The following ANKRD44 variants were observed in gnomAD, a reference collection of about 807,000 sequenced individuals.
The protein encoded by ANKRD44 is ankyrin repeat domain 44.
A neutral mutation model predicts 116.0 loss-of-function variants in ANKRD44; 35 were observed. That is an observed-to-expected ratio of 0.30 (90% confidence interval 0.23 to 0.40). The LOEUF (loss-of-function observed/expected upper bound fraction) is 0.40. ANKRD44 is among the 10% of genes least tolerant of loss of function. The probability of loss-of-function intolerance (pLI) is 1.00; values close to 1 mark genes in which losing one functional copy is unlikely to be tolerated. For missense variants in ANKRD44, 1,014 were observed against 1,242.6 expected (o/e 0.82, Z 2.77); for synonymous variants, 435 against 461.8 (o/e 0.94, Z 0.74).
chr2:197,002,538 T>C (rs186164698), intron 21 of ANKRD44, among the ~76,000 whole-genome samples: 243 of 152,330 alleles, frequency 1.6e-3, no homozygotes, highest in African/African-American at 5.7e-3. Context: ...TTCTCACATA[T>C]TCAAAACTGG....
chr2:196,995,177 A>G (rs192772514), intron 26 of ANKRD44: 67 of 359,284 alleles, frequency 1.9e-4, no homozygotes, highest in Middle Eastern at 7.1e-4. Flanking sequence ...AGACATATCA[A>G]AAGAAGGATT....
At chr2:197,059,455 A>C (rs1017258136) in intron 16 of ANKRD44, among the ~76,000 whole-genome samples, 12 of 152,198 alleles carry the variant, frequency 7.9e-5, no homozygotes, top group South Asian at 2.1e-4. Flanking sequence ...TATAACTTTA[A>C]AGAAAATTCC....
intron 1 of ANKRD44, among the ~76,000 whole-genome samples, chr2:197,253,526 TCTA>T: frequency 6.6e-6 from 1 of 152,284 alleles, no homozygotes; most frequent in Non-Finnish European, 1.5e-5. Flanking sequence ...TCTGCATTAT[TCTA>T]CTAATATGAA....
rs763222338 is a variant in ANKRD44, at chr2:197,013,716, C to A, written c.1723-4G>T. 2 of 1,612,374 alleles carry A rather than the reference C, an allele frequency of 1.2e-6. No homozygotes were observed. The highest frequency in any genetic ancestry group is 1.1e-5 in the South Asian group (1 of 90,992). ...CTTGATGGTGCCCATTGTAGGCCTG[C>A]AAAGAAGAAACCAATGGCTCCCATG... On this transcript the variant is annotated splice_polypyrimidine_tract_variant and splice_region_variant and intron_variant, in intron 17 of 27. Coordinates refer to ENST00000282272, the MANE Select transcript of ANKRD44 (RefSeq NM_001195144.2).
At chr2:197,281,573 C>G (rs1026374984) in intron 1 of ANKRD44, among the ~76,000 whole-genome samples, 1 of 152,124 alleles carries the variant, frequency 6.6e-6, no homozygotes, top group Non-Finnish European at 1.5e-5. Context: ...TTTACAAAAT[C>G]AGCAACAGGG....
intron 2 of ANKRD44, among the ~76,000 whole-genome samples, chr2:197,175,528 G>A (rs1409878641): frequency 6.6e-6 from 1 of 152,160 alleles, no homozygotes; most frequent in Non-Finnish European, 1.5e-5. Flanking sequence ...CCACTGAGCT[G>A]AAGAGCCACC....
chr2:197,039,968 C>T (rs1480592352), intron 16 of ANKRD44, among the ~76,000 whole-genome samples: 5 of 150,738 alleles, frequency 3.3e-5, no homozygotes, highest in East Asian at 2.0e-4. Context: ...GTGGCTCATG[C>T]CTATAATCCC....
At chr2:197,194,250 C>G (rs754278226) in intron 1 of ANKRD44, among the ~76,000 whole-genome samples, 8 of 152,190 alleles carry the variant, frequency 5.3e-5, no homozygotes, top group Non-Finnish European at 1.0e-4. Context: ...GAAATTGTCA[C>G]ACAGTCCCTC....
At chr2:197,018,646 T>C (rs748045547) in intron 17 of ANKRD44, among the ~76,000 whole-genome samples, 1 of 152,256 alleles carries the variant, frequency 6.6e-6, no homozygotes, top group Non-Finnish European at 1.5e-5. Context: ...GATTTGCTTA[T>C]TGTTTGTGAT....
At chr2:197,222,144 T>C (rs776139357) in intron 1 of ANKRD44, among the ~76,000 whole-genome samples, 2 of 152,172 alleles carry the variant, frequency 1.3e-5, no homozygotes, top group African/African-American at 2.4e-5. Flanking sequence ...CTAAGGCAGA[T>C]AATGTGAGAC....
At chr2:197,106,515 C>T (rs1297799936) in intron 9 of ANKRD44, among the ~76,000 whole-genome samples, 7 of 151,986 alleles carry the variant, frequency 4.6e-5, no homozygotes, top group African/African-American at 1.2e-4. Context: ...GGAGGCCAGT[C>T]GCAGTGGCTC....
Position 197,266,458 on chromosome 2 carries a change from G to A in ANKRD44, c.27+44120C>T, listed in dbSNP as rs147699673. Among the ~76,000 whole-genome samples the A allele has an allele frequency of 2.5e-3, 375 of 152,084 alleles. 1 individual carries two copies. The highest frequency in any genetic ancestry group is 8.4e-3 in the African/African-American group (348 of 41,478). ...CTGTCTGACCCAGAAAACCACAGAT[G>A]AGGAATTCATTTTAGGACTAATTAC... On this transcript the variant is annotated intron_variant, in intron 1 of 27. Transcript: ENST00000282272.
intron 2 of ANKRD44, among the ~76,000 whole-genome samples, chr2:197,170,770 GTAT>G (rs1224335090): frequency 6.6e-6 from 1 of 152,108 alleles, no homozygotes; most frequent in Non-Finnish European, 1.5e-5. Context: ...TCTCTTTCCT[GTAT>G]TAGAGTAGGC....
intron 2 of ANKRD44, among the ~76,000 whole-genome samples, chr2:197,183,492 G>C (rs1018739275): frequency 6.6e-6 from 1 of 152,004 alleles, no homozygotes; most frequent in African/African-American, 2.4e-5. Flanking sequence ...TCCTCCATCT[G>C]TCTATGCCTT....
chr2:197,106,399 C>T (rs1213544518), intron 9 of ANKRD44, among the ~76,000 whole-genome samples: 5 of 150,368 alleles, frequency 3.3e-5, no homozygotes, highest in Non-Finnish European at 3.0e-5. Flanking sequence ...GAGCCGAGAT[C>T]GCACCACTGC....
intron 1 of ANKRD44, among the ~76,000 whole-genome samples, chr2:197,228,860 A>G (rs961711511): frequency 3.9e-5 from 6 of 152,180 alleles, no homozygotes; most frequent in Non-Finnish European, 8.8e-5. Context: ...ACATGGTGAA[A>G]CCCTGTCTCT....
At chr2:197,309,885 T>TGTG (rs1190457909) in intron 1 of ANKRD44, among the ~76,000 whole-genome samples, 1 of 152,196 alleles carries the variant, frequency 6.6e-6, no homozygotes, top group East Asian at 1.9e-4. Flanking sequence ...AGCTGCCCTG[T>TGTG]GTGGTGTCTC....
intron 2 of ANKRD44, among the ~76,000 whole-genome samples, chr2:197,163,999 A>G (rs1210615038): frequency 2.0e-5 from 3 of 152,168 alleles, no homozygotes; most frequent in African/African-American, 7.2e-5. Flanking sequence ...GTGCTTCAGA[A>G]AGTACAAAAA....
chr2:197,304,619 C>T (rs769229451), intron 1 of ANKRD44, among the ~76,000 whole-genome samples: 4 of 152,186 alleles, frequency 2.6e-5, no homozygotes, highest in Non-Finnish European at 5.9e-5. Flanking sequence ...GGCATCCAGT[C>T]CAACCTCTTC....
Sources: gnomAD v4.1 joint callset for allele counts (sites outside exome capture counted in the v4.1 genomes callset) on GRCh38, gnomAD v4.1.1 for gene constraint, MANE v1.5 for transcripts, NCBI Gene and HGNC (gene_info 2026-07-23, HGNC 2026-07-21) for gene names.